The following ATP5PF variants were observed in gnomAD, a reference collection of about 807,000 sequenced individuals.
The protein encoded by ATP5PF is ATP synthase peripheral stalk subunit F6, mitochondrial.
Under a neutral mutation model 12.0 loss-of-function variants are expected in ATP5PF, and 7 were observed. That is an observed-to-expected ratio of 0.58 (90% CI 0.33 to 1.10). The LOEUF (loss-of-function observed/expected upper bound fraction) is 1.10. Among genes scored for constraint, ATP5PF ranks in the 50% least tolerant of loss-of-function variants. ATP5PF has a pLI of 0.03. For missense variants in ATP5PF, 120 were observed against 127.7 expected, an observed-to-expected ratio of 0.94 and a Z score of 0.29; for synonymous variants, 41 against 45.4, an observed-to-expected ratio of 0.90 and a Z score of 0.39.
intron 1 of ATP5PF, among the ~76,000 whole-genome samples, chr21:25,731,594 T>C (rs2034780036): frequency 6.6e-6 from 1 of 150,388 alleles, no homozygotes; most frequent in African/African-American, 2.5e-5. Context: ...GGTCTTGCCA[T>C]ATTGCCCTGG....
At chr21:25,730,134 C>T (rs1344967883) in intron 1 of ATP5PF, among the ~76,000 whole-genome samples, 1 of 152,176 alleles carries the variant, frequency 6.6e-6, no homozygotes. Context: ...CAACACTGTC[C>T]GCTCCTAACA....
chr21:25,731,810 C>T (rs546947924), intron 1 of ATP5PF, among the ~76,000 whole-genome samples: 10 of 152,190 alleles, frequency 6.6e-5, no homozygotes, highest in Admixed American at 1.3e-4. Flanking sequence ...AGAGGCCAGG[C>T]GAGGTGGCTC....
chr21:25,730,736 C>CAAAAAAA lies in ATP5PF; in HGVS notation c.-7-942_-7-936dup, dbSNP rs71183508. ...GCAACAAGAGCAAGACTCCGTCTCA[C>CAAAAAAA]AAAAAAAAAAAAAAAAAAAAAAAAA... On this transcript the variant is annotated intron_variant, in intron 1 of 3. Coordinates refer to ENST00000284971, the MANE Select transcript of ATP5PF (RefSeq NM_001003703.2). Among the ~76,000 whole-genome samples, 237 of 31,848 alleles carry CAAAAAAA rather than the reference C, an allele frequency of 7.4e-3. 34 individuals carry two copies. Among genetic ancestry groups the CAAAAAAA allele is most frequent in the Non-Finnish European group, 0.011 (163 of 14,348 alleles). 20.9% of individuals were successfully genotyped at this position (31,848 alleles called of 152,430 possible).
chr21:25,728,872 A>T (rs2034684222), intron 2 of ATP5PF, among the ~76,000 whole-genome samples: 1 of 152,186 alleles, frequency 6.6e-6, no homozygotes. Flanking sequence ...CTCCTATCGG[A>T]CTTTAAGAAT....
At chr21:25,735,011 C>G (rs2034976868), upstream of ATP5PF, 3 of 1,535,514 alleles carry the variant, frequency 2.0e-6, no homozygotes, top group South Asian at 3.6e-5. Context: ...GTCTCGGAGA[C>G]AGTCTGCGAC....
chr21:25,728,256 A>T (rs757643624), intron 2 of ATP5PF, among the ~76,000 whole-genome samples: 4 of 152,166 alleles, frequency 2.6e-5, no homozygotes, highest in Non-Finnish European at 5.9e-5. Flanking sequence ...CCCCACAGTC[A>T]TGTTCAAAAA....
intron 1 of ATP5PF, among the ~76,000 whole-genome samples, chr21:25,732,645 CAAA>C (rs1279087632): frequency 9.2e-5 from 11 of 119,442 alleles, no homozygotes; most frequent in Admixed American, 8.6e-5. Flanking sequence ...AACCCTGTCT[CAAA>C]AAAAAAAAAA....
At chr21:25,735,144 C>T (rs1472432164), upstream of ATP5PF, 3 of 661,832 alleles carry the variant, frequency 4.5e-6, no homozygotes, top group East Asian at 2.7e-5. Flanking sequence ...TCTTTTTCCC[C>T]TCCTTGAAAC....
At chr21:25,735,216 T>G, upstream of ATP5PF, 3 of 590,854 alleles carry the variant, frequency 5.1e-6, no homozygotes, top group South Asian at 6.0e-5. Flanking sequence ...CCCCTCCGAG[T>G]CAGCGTCCTG....
chr21:25,730,627 A>G (rs1027111232), intron 1 of ATP5PF, among the ~76,000 whole-genome samples: 26 of 151,112 alleles, frequency 1.7e-4, no homozygotes, highest in African/African-American at 5.1e-4. Context: ...CCAGCTACTC[A>G]GGAGGCTGAG....
chr21:25,730,847 T>G (rs1419921117), intron 1 of ATP5PF, among the ~76,000 whole-genome samples: 1 of 148,484 alleles, frequency 6.7e-6, no homozygotes, highest in Non-Finnish European at 1.5e-5. Context: ...AACATTTCAG[T>G]AGAGGACAAT....
intron 1 of ATP5PF, among the ~76,000 whole-genome samples, chr21:25,731,054 C>CA (rs780534319): frequency 5.1e-4 from 78 of 152,108 alleles, no homozygotes; most frequent in Admixed American, 2.4e-3. Context: ...CCAGCCTGCC[C>CA]AAAATGGTGA....
chr21:25,724,648 G>A lies in ATP5PF; in HGVS notation c.319C>T (p.Gln107Ter). ...DPKFEVIEKP[Q>*]A ...AATTTTACTTTATTTCTTCAGGCCT[G>A]GGGTTTTTCGATGACTTCAAATTTG... The change falls in exon 4 of 4, where the codon CAG (glutamine) becomes TAG (stop). Residue 107 changes from glutamine (Q) to a stop codon, truncating the protein, a stop_gained. Coordinates refer to ENST00000284971, the MANE Select transcript of ATP5PF (RefSeq NM_001003703.2). LOFTEE classifies it high-confidence loss of function. 3.8e-6 allele frequency: 6 copies of A among 1,598,198 alleles called. No homozygotes were observed. Among genetic ancestry groups the A allele is most frequent in the Non-Finnish European group, 4.3e-6 (5 of 1,175,962 alleles).
At chr21:25,734,995 G>A (rs777066588), upstream of ATP5PF, 25 of 1,551,416 alleles carry the variant, frequency 1.6e-5, no homozygotes, top group East Asian at 2.4e-5. Context: ...TCACCGGACA[G>A]GAAGCGTCTC....
intron 1 of ATP5PF, chr21:25,734,317 T>A (rs773360647): frequency 3.3e-4 from 329 of 985,968 alleles, no homozygotes; most frequent in Middle Eastern, 1.5e-3. Context: ...TGGTTCTATT[T>A]ATAGTGATGA....
intron 1 of ATP5PF, among the ~76,000 whole-genome samples, chr21:25,731,007 C>T (rs977136953): frequency 3.3e-5 from 5 of 151,884 alleles, no homozygotes; most frequent in Non-Finnish European, 7.4e-5. Flanking sequence ...CACTTCAGCC[C>T]GAGGCAGGTG....
intron 3 of ATP5PF, 176 bp from the exon 4 acceptor site, chr21:25,724,853 T>C: frequency 3.0e-6 from 2 of 659,226 alleles, no homozygotes; most frequent in Non-Finnish European, 5.1e-6. Context: ...AGCCATGCAT[T>C]CCATTAATTG....
At chr21:25,727,734 C>A (rs774054479) in intron 2 of ATP5PF, among the ~76,000 whole-genome samples, 5 of 152,198 alleles carry the variant, frequency 3.3e-5, no homozygotes, top group Admixed American at 6.5e-5. Flanking sequence ...CATCAATACT[C>A]TAATATAACA....
Position 25,734,870 on chromosome 21 carries a change from G to C in ATP5PF, c.-25C>G. ...CCAGTCACCTTGCACTCAGTCCCGA[G>C]CTGCCAAAGCCTCCGCCGCCACCAC... On this transcript the variant is annotated 5_prime_UTR_variant, in exon 1 of 4. Coordinates refer to ENST00000284971, the MANE Select transcript of ATP5PF (RefSeq NM_001003703.2). The C allele has an allele frequency of 6.5e-7, 1 of 1,545,092 alleles. No homozygotes were observed. Among genetic ancestry groups the C allele is most frequent in the Non-Finnish European group, 8.7e-7 (1 of 1,148,504 alleles).
Sources: gnomAD v4.1 joint callset for allele counts (sites outside exome capture counted in the v4.1 genomes callset) on GRCh38, gnomAD v4.1.1 for gene constraint, MANE v1.5 for transcripts, NCBI Gene and HGNC (gene_info 2026-07-23, HGNC 2026-07-21) for gene names.